Variants in SMPX observed in about 807,000 individuals in gnomAD.
SMPX encodes the protein small muscle protein X-linked.
SMPX carries 2 observed loss-of-function variants against 6.3 expected under a neutral mutation model. The observed-to-expected ratio is 0.32, with a 90% CI of 0.13 to 0.99. SMPX has a LOEUF of 0.99. Ranked by LOEUF, SMPX falls within the 50% of genes least tolerant of loss-of-function variation. SMPX has a pLI of 0.49. For missense variants in SMPX, 60 were observed against 66.8 expected (o/e 0.90, Z 0.36); for synonymous variants, 32 against 24.7 (o/e 1.30, Z -0.88).
Position 21,737,569 on chromosome X carries a change from T to A in SMPX, c.261A>T (p.Glu87Asp). 3 of 1,207,160 alleles carry A rather than the reference T, an allele frequency of 2.5e-6. No homozygotes were observed. The Admixed American group carries it at 6.5e-5, about 26-fold the overall frequency. Reference protein sequence around the residue: ...KSELKYVPKAEQ With the variant: ...KSELKYVPKADQ The stretch of plus-strand genomic sequence containing the variant: ...CTCACCTTTTTTCTTCCTACTACTG[T>A]TCAGCTTTGGGGACATATTTTAGTT... Residue 87 changes from glutamate to aspartate, a missense_variant, in exon 4 of 5, where the codon GAA becomes GAT. By Grantham distance (45) the Glu-to-Asp change is conservative. Coordinates refer to ENST00000379494, the MANE Select transcript of SMPX (RefSeq NM_014332.3).
At chrX:21,713,849 C>CA (rs1214346028) in intron 4 of SMPX, among the ~76,000 whole-genome samples, 2 of 112,243 alleles carry the variant, frequency 1.8e-5, no homozygotes, top group Admixed American at 1.9e-4. Context: ...GTTTACTTAA[C>CA]AAATATTCAT....
intron 4 of SMPX, among the ~76,000 whole-genome samples, chrX:21,707,226 A>G (rs1201152740): frequency 9.1e-6 from 1 of 110,060 alleles, no homozygotes; most frequent in Non-Finnish European, 1.9e-5. Context: ...TTGACTTAGC[A>G]TAATGTCCTC....
rs767225209 is a variant in SMPX, at chrX:21,734,448, G to A, written c.*14+3101C>T. Among the ~76,000 whole-genome samples, 4 of 111,826 alleles carry A rather than the reference G, an allele frequency of 3.6e-5. No homozygotes were observed. In the East Asian group the frequency reaches 1.1e-3, roughly 31 times the overall value. ...ATAATGCAGCAAACAAGCAGGATTG[G>A]AAGTATTGGAGGACACCTGGTTTCT... is the stretch of plus-strand genomic sequence containing the variant. On this transcript the variant is annotated intron_variant, in intron 4 of 4. Coordinates refer to ENST00000379494, the MANE Select transcript of SMPX (RefSeq NM_014332.3).
In SMPX at chrX:21,754,238, C is replaced by G; in HGVS notation, c.45+8G>C. 3 of 1,206,815 alleles carry G rather than the reference C, an allele frequency of 2.5e-6. No homozygotes were observed. Among genetic ancestry groups the G allele is most frequent in the Non-Finnish European group, 3.4e-6 (3 of 890,898 alleles). ...AGCAACCAGGCAAGAAGTTGCAGGG[C>G]TACTTACCTGGATGGCTCTAACATT... On this transcript the variant is annotated splice_region_variant and intron_variant, in intron 2 of 4. Transcript: ENST00000379494.
intron 4 of SMPX, among the ~76,000 whole-genome samples, chrX:21,731,762 A>T (rs1273848921): frequency 9.5e-6 from 1 of 105,135 alleles, no homozygotes; most frequent in African/African-American, 3.4e-5. Context: ...ATTTGTGTGT[A>T]TATGTGTATA....
At chrX:21,711,507 G>T (rs770945359) in intron 4 of SMPX, among the ~76,000 whole-genome samples, 1 of 111,979 alleles carries the variant, frequency 8.9e-6, no homozygotes, top group East Asian at 2.8e-4. Flanking sequence ...TGACATGGAA[G>T]CAAAACCTCT....
chrX:21,715,303 T>TGTGC (rs1175730294), intron 4 of SMPX, among the ~76,000 whole-genome samples: 1,960 of 85,921 alleles, frequency 0.023, 17 homozygotes, highest in African/African-American at 0.045. Context: ...TGTGTGTGTG[T>TGTGC]GCGCGCACGC....
chrX:21,711,515 T>G (rs1369225854), intron 4 of SMPX, among the ~76,000 whole-genome samples: 1 of 111,798 alleles, frequency 8.9e-6, no homozygotes, highest in Non-Finnish European at 1.9e-5. Context: ...AAGCAAAACC[T>G]CTAGTTTACA....
chrX:21,740,572 A>G (rs1211066394), intron 3 of SMPX, among the ~76,000 whole-genome samples: 1 of 112,464 alleles, frequency 8.9e-6, no homozygotes, highest in Non-Finnish European at 1.9e-5. Flanking sequence ...GTGTGGGACA[A>G]TACAATCTGG....
chrX:21,734,501 A>T (rs921183930), intron 4 of SMPX, among the ~76,000 whole-genome samples: 1 of 111,932 alleles, frequency 8.9e-6, no homozygotes, highest in African/African-American at 3.2e-5. Context: ...CTGCCTCTTC[A>T]TCTGGTTCTT....
intron 2 of SMPX, among the ~76,000 whole-genome samples, chrX:21,744,510 T>A (rs771752002): frequency 1.4e-4 from 16 of 111,981 alleles, no homozygotes; most frequent in Non-Finnish European, 1.3e-4. Flanking sequence ...TAAAATACCT[T>A]CATGACATCC....
At chrX:21,707,304 A>G (rs2092774037) in intron 4 of SMPX, among the ~76,000 whole-genome samples, 1 of 111,889 alleles carries the variant, frequency 8.9e-6, no homozygotes, top group African/African-American at 3.3e-5. Context: ...TATGATAGGA[A>G]TAAGTCAACA....
At chrX:21,707,946 G>A (rs1456824153) in intron 4 of SMPX, among the ~76,000 whole-genome samples, 1 of 112,523 alleles carries the variant, frequency 8.9e-6, no homozygotes, top group Non-Finnish European at 1.9e-5. Context: ...AATAAGAAAT[G>A]ATCTTGTTTT....
Position 21,733,088 on chromosome X carries a change from A to G in SMPX, c.*14+4461T>C, listed in dbSNP as rs1168209332. Among the ~76,000 whole-genome samples the G allele has an allele frequency of 5.4e-5, 6 of 111,829 alleles. No individual in the cohort carries two copies. In the South Asian group the frequency reaches 1.1e-3, roughly 21 times the overall value. ...GTTATAGCGGACCGAGCAGACTAAG[A>G]TAAGGGCACACCTCCCCCAACAGGG... On this transcript the variant is annotated intron_variant, in intron 4 of 4. Coordinates refer to ENST00000379494, the MANE Select transcript of SMPX (RefSeq NM_014332.3).
At chrX:21,757,381 T>C (rs999558217) in intron 1 of SMPX, among the ~76,000 whole-genome samples, 3 of 111,558 alleles carry the variant, frequency 2.7e-5, no homozygotes, top group Middle Eastern at 4.6e-3. Context: ...AGTGCTGCCC[T>C]CTACCCTGCT....
chrX:21,716,621 A>T (rs1397068759), intron 4 of SMPX, among the ~76,000 whole-genome samples: 1 of 112,622 alleles, frequency 8.9e-6, no homozygotes, highest in East Asian at 2.8e-4. Flanking sequence ...CAAAAAGCTT[A>T]TAAATTAAAA....
At chrX:21,711,412 T>A (rs1854978143) in intron 4 of SMPX, among the ~76,000 whole-genome samples, 1 of 112,025 alleles carries the variant, frequency 8.9e-6, no homozygotes, top group Non-Finnish European at 1.9e-5. Context: ...TGGGGACATT[T>A]GTGAGAATGA....
intron 1 of SMPX, among the ~76,000 whole-genome samples, chrX:21,757,278 T>C (rs1271232774): frequency 9.0e-6 from 1 of 111,729 alleles, no homozygotes; most frequent in African/African-American, 3.3e-5. Flanking sequence ...GACTAACTCC[T>C]TATTCACTCT....
chrX:21,738,289 A>G (rs1234055689), intron 3 of SMPX, among the ~76,000 whole-genome samples: 2 of 111,471 alleles, frequency 1.8e-5, no homozygotes, highest in East Asian at 5.6e-4. Context: ...TGGCATTTCC[A>G]GTGTCTGTCA....
Sources: allele counts gnomAD v4.1 joint callset (sites outside exome capture counted in the v4.1 genomes callset), GRCh38; gene constraint gnomAD v4.1.1; transcripts MANE v1.5; gene names NCBI Gene and HGNC (gene_info 2026-07-23, HGNC 2026-07-21).